CCDC60: variants seen among roughly 807,000 people sequenced by gnomAD.
The protein encoded by CCDC60 is coiled-coil domain containing 60.
A neutral mutation model predicts 63.5 loss-of-function variants in CCDC60; 54 were observed. That is an observed-to-expected ratio of 0.85 (90% CI 0.68 to 1.07). CCDC60 has a LOEUF of 1.07. Among genes scored for constraint, CCDC60 ranks in the 50% least tolerant of loss-of-function variants. CCDC60 has a pLI of 0.00. For missense variants in CCDC60, 651 were observed against 684.3 expected, an observed-to-expected ratio of 0.95 and a Z score of 0.54; for synonymous variants, 206 against 238.8, an observed-to-expected ratio of 0.86 and a Z score of 1.27.
chr12:119,530,356 G>T (rs890421033), intron 12 of CCDC60, among the ~76,000 whole-genome samples: 3 of 151,678 alleles, frequency 2.0e-5, no homozygotes, highest in African/African-American at 7.3e-5. Context: ...ATTAGATCAA[G>T]TAGGTTCTTC....
In CCDC60 at chr12:119,402,794, A is replaced by G. The variant is rs999278527; in HGVS notation, c.91-25889A>G. ...ATCTCCCATGGATTTTGGTTTAGCC[A>G]CAGAGAACTAGTGTAACTCTCCAGG... On this transcript the variant is annotated intron_variant, in intron 1 of 13. Coordinates refer to ENST00000327554, the MANE Select transcript of CCDC60 (RefSeq NM_178499.5). 2.0e-5 allele frequency among the ~76,000 whole-genome samples: 3 copies of G among 152,210 alleles called. No homozygotes were observed. The South Asian group carries it at 6.2e-4, about 32-fold the overall frequency.
At chr12:119,428,158 G>A (rs1470465864) in intron 1 of CCDC60, among the ~76,000 whole-genome samples, 1 of 152,126 alleles carries the variant, frequency 6.6e-6, no homozygotes, top group Admixed American at 6.5e-5. Context: ...TCCGCTATGG[G>A]AGCAGGAAGA....
chr12:119,365,982 G>A (rs1393796395), intron 1 of CCDC60, among the ~76,000 whole-genome samples: 1 of 152,140 alleles, frequency 6.6e-6, no homozygotes, highest in Non-Finnish European at 1.5e-5. Flanking sequence ...CTTCCCACCT[G>A]GAGTCCTGGC....
At chr12:119,391,319 G>A (rs966551066) in intron 1 of CCDC60, among the ~76,000 whole-genome samples, 1 of 152,188 alleles carries the variant, frequency 6.6e-6, no homozygotes, top group Non-Finnish European at 1.5e-5. Flanking sequence ...GTGCTTTCAG[G>A]ACTTATAGAG....
chr12:119,428,910 G>A (rs1956948041), intron 2 of CCDC60, 148 bp downstream of exon 2: 2 of 563,210 alleles, frequency 3.6e-6, no homozygotes, highest in Non-Finnish European at 6.4e-6. Flanking sequence ...ACCCTGGGAG[G>A]AGCAGAGGGC....
chr12:119,464,931 GTCCAACCCCCAGGAAC>G (rs1463745669), intron 2 of CCDC60, among the ~76,000 whole-genome samples: 1 of 152,192 alleles, frequency 6.6e-6, no homozygotes, highest in East Asian at 1.9e-4. Flanking sequence ...ATACATTGAA[GTCCAACCCCCAGGAAC>G]TTCAACTTTC....
chr12:119,388,661 T>C (rs1412444363), intron 1 of CCDC60, among the ~76,000 whole-genome samples: 7 of 152,260 alleles, frequency 4.6e-5, no homozygotes, highest in African/African-American at 1.7e-4. Context: ...AAAGTTTCTA[T>C]ATGTACATCT....
At position 119,498,354 on chromosome 12, in the gene CCDC60, C is replaced by T. The variant is rs556840745; in HGVS notation, c.558-1724C>T. 1.7e-4 allele frequency among the ~76,000 whole-genome samples: 26 copies of T among 151,774 alleles called. 1 individual carries two copies. The highest frequency in any genetic ancestry group is 1.9e-4 in the East Asian group (1 of 5,166). On this transcript the variant is annotated intron_variant, in intron 5 of 13. Transcript: ENST00000327554. ...CTCTTTTTTTTTTCTTTTTTTGAGA[C>T]GGAGTTTCACTCTTGTCCCCCAGGC...
intron 1 of CCDC60, among the ~76,000 whole-genome samples, chr12:119,393,684 G>A (rs1180588195): frequency 2.0e-5 from 3 of 152,198 alleles, no homozygotes; most frequent in Non-Finnish European, 2.9e-5. Context: ...TCTCCCAGTG[G>A]TTTAGAAAAG....
At chr12:119,399,224 G>C (rs993318764) in intron 1 of CCDC60, among the ~76,000 whole-genome samples, 2 of 152,194 alleles carry the variant, frequency 1.3e-5, no homozygotes, top group Admixed American at 6.5e-5. Context: ...AGCTCTGGAA[G>C]CCTGGATGAC....
intron 1 of CCDC60, among the ~76,000 whole-genome samples, chr12:119,426,055 A>G (rs1716466): frequency 0.44 from 67,279 of 151,920 alleles, 15,112 homozygotes; most frequent in South Asian, 0.66. Context: ...GTACTCCTAG[A>G]GTTCCTTACA....
intron 3 of CCDC60, 69 bp from the exon 4 acceptor site, chr12:119,479,025 G>A: frequency 9.4e-7 from 1 of 1,061,480 alleles, no homozygotes; most frequent in Non-Finnish European, 1.5e-6. Flanking sequence ...ATAGACCGTG[G>A]CAAGAGAAGA....
intron 2 of CCDC60, among the ~76,000 whole-genome samples, chr12:119,453,759 T>TGAA (rs1437748599): frequency 2.8e-5 from 4 of 143,778 alleles, no homozygotes; most frequent in African/African-American, 7.8e-5. Flanking sequence ...ATGACTACAA[T>TGAA]GAAGAAGAAG....
intron 6 of CCDC60, 83 bp from the exon 7 acceptor site, chr12:119,504,986 C>A: frequency 9.6e-7 from 1 of 1,042,412 alleles, no homozygotes; most frequent in Non-Finnish European, 1.4e-6. Context: ...TCCCTCCCCA[C>A]CTTCCTCCTT....
intron 11 of CCDC60, among the ~76,000 whole-genome samples, 170 bp from the exon 12 acceptor site, chr12:119,528,445 G>C (rs3915269): frequency 0.034 from 5,202 of 152,276 alleles, 137 homozygotes; most frequent in African/African-American, 0.078. Context: ...CTTGGAGAGA[G>C]CTGTATCCTC....
chr12:119,530,448 A>G (rs886894827), intron 12 of CCDC60, among the ~76,000 whole-genome samples: 2 of 152,034 alleles, frequency 1.3e-5, no homozygotes, highest in African/African-American at 4.8e-5. Flanking sequence ...TCATTAATCA[A>G]AGAGATAGAA....
intron 2 of CCDC60, chr12:119,433,657 A>G: frequency 1.4e-6 from 1 of 693,666 alleles, no homozygotes; most frequent in Non-Finnish European, 2.6e-6. Context: ...TTTTCCATCC[A>G]TTGTTTCTTA....
At chr12:119,413,470 A>G (rs12322637) in intron 1 of CCDC60, among the ~76,000 whole-genome samples, 23,166 of 152,190 alleles carry the variant, frequency 0.15, 2,008 homozygotes, top group African/African-American at 0.22. Flanking sequence ...GTGATCTCAC[A>G]CAAGTTATAT....
chr12:119,344,351 TC>T (rs936499973), intron 1 of CCDC60, among the ~76,000 whole-genome samples: 40 of 152,240 alleles, frequency 2.6e-4, no homozygotes, highest in African/African-American at 9.6e-4. Flanking sequence ...GGTAAAACCT[TC>T]CCCGTCTAAA....
Sources: allele counts gnomAD v4.1 joint callset (sites outside exome capture counted in the v4.1 genomes callset), GRCh38; gene constraint gnomAD v4.1.1; transcripts MANE v1.5; gene names NCBI Gene and HGNC (gene_info 2026-07-23, HGNC 2026-07-21).